Variants in CSNK1G1 observed in about 807,000 individuals in gnomAD.
The protein encoded by CSNK1G1 is casein kinase 1 gamma 1.
CSNK1G1 carries 22 observed loss-of-function variants against 59.6 expected under a neutral mutation model. The ratio of observed to expected loss-of-function variants is 0.37; its 90% CI spans 0.26 to 0.53. The LOEUF (loss-of-function observed/expected upper bound fraction) is 0.53. Among genes scored for constraint, CSNK1G1 ranks in the 20% least tolerant of loss-of-function variants. CSNK1G1 has a pLI of 0.89. For missense variants in CSNK1G1, 384 were observed against 519.5 expected, an observed-to-expected ratio of 0.74 and a Z score of 2.54; for synonymous variants, 179 against 177.1, an observed-to-expected ratio of 1.01 and a Z score of -0.08.
intron 1 of CSNK1G1, among the ~76,000 whole-genome samples, chr15:64,303,827 G>C (rs1367719386): frequency 6.6e-6 from 1 of 151,130 alleles, no homozygotes; most frequent in Non-Finnish European, 1.5e-5. Context: ...GCTGAAGTTG[G>C]AGAATTGCTT....
chr15:64,286,710 G>A, intron 2 of CSNK1G1, among the ~76,000 whole-genome samples: 1 of 152,082 alleles, frequency 6.6e-6, no homozygotes, highest in South Asian at 2.1e-4. Flanking sequence ...TAAATGGCTA[G>A]GTAATTATGG....
At chr15:64,322,582 A>G (rs1896620980) in intron 1 of CSNK1G1, among the ~76,000 whole-genome samples, 1 of 152,060 alleles carries the variant, frequency 6.6e-6, no homozygotes, top group Non-Finnish European at 1.5e-5. Flanking sequence ...TGGGAGGCCA[A>G]GATGGGTTGA....
intron 10 of CSNK1G1, among the ~76,000 whole-genome samples, chr15:64,186,819 A>G (rs2081902436): frequency 6.6e-6 from 1 of 150,490 alleles, no homozygotes; most frequent in South Asian, 2.1e-4. Flanking sequence ...CCTAAGAGCA[A>G]TGATTTTTTT....
intron 4 of CSNK1G1, among the ~76,000 whole-genome samples, chr15:64,245,866 TATCAC>T (rs1349619694): frequency 3.3e-5 from 5 of 151,982 alleles, no homozygotes; most frequent in Admixed American, 2.0e-4. Flanking sequence ...GAAAGACAAA[TATCAC>T]ATGTTCTCGC....
At chr15:64,253,341 T>C (rs903345522) in intron 3 of CSNK1G1, among the ~76,000 whole-genome samples, 20 of 152,106 alleles carry the variant, frequency 1.3e-4, no homozygotes, top group Non-Finnish European at 2.5e-4. Flanking sequence ...TGAGACCTTG[T>C]CTCAATCAAT....
intron 2 of CSNK1G1, among the ~76,000 whole-genome samples, chr15:64,283,108 A>G (rs1894230885): frequency 6.6e-6 from 1 of 152,174 alleles, no homozygotes; most frequent in Non-Finnish European, 1.5e-5. Context: ...ATCACCATTA[A>G]AGAACTTACT....
chr15:64,277,673 AATAAT>A (rs2140359557), intron 2 of CSNK1G1, among the ~76,000 whole-genome samples: 1 of 135,126 alleles, frequency 7.4e-6, no homozygotes, highest in African/African-American at 2.8e-5. Flanking sequence ...TGATATATTT[AATAAT>A]ATAGCAATAT....
At position 64,188,319 on chromosome 15, in the gene CSNK1G1, A is replaced by G. The variant is rs2081924902; in HGVS notation, c.1108-7865T>C. ...CTGCCGAAGGTTCAGAAGCAAGCCA[A>G]CATTCCACCAGCCAAGCTGGAAAGG... On this transcript the variant is annotated intron_variant, in intron 10 of 11. Coordinates refer to ENST00000303052, the MANE Select transcript of CSNK1G1 (RefSeq NM_022048.5). The surrounding 1 kb of genome is among the most constrained non-coding windows in gnomAD (Gnocchi z 4.2). 7.4e-7 allele frequency: 1 copy of G among 1,351,694 alleles called. No homozygotes were observed. The highest frequency in any genetic ancestry group is 1.0e-6 in the Non-Finnish European group (1 of 986,844). The allele number at this position is 1,351,694 out of a possible 1,614,324, so 83.7% of individuals were successfully genotyped here.
At chr15:64,320,752 C>G (rs1035447777) in intron 1 of CSNK1G1, among the ~76,000 whole-genome samples, 2 of 150,714 alleles carry the variant, frequency 1.3e-5, no homozygotes, top group African/African-American at 2.4e-5. Flanking sequence ...TCTGAGTTTT[C>G]AGAAGTTGCT....
intron 11 of CSNK1G1, among the ~76,000 whole-genome samples, chr15:64,174,553 C>A (rs1442476459): frequency 6.6e-6 from 1 of 152,210 alleles, no homozygotes; most frequent in Non-Finnish European, 1.5e-5. Context: ...AGAATGAAGG[C>A]AGGTGGTGGA....
intron 2 of CSNK1G1, among the ~76,000 whole-genome samples, chr15:64,268,372 T>C (rs1310943789): frequency 6.6e-6 from 1 of 152,098 alleles, no homozygotes; most frequent in Non-Finnish European, 1.5e-5. Flanking sequence ...AAAGTTACAG[T>C]GAGATTTTAA....
chr15:64,323,137 G>A (rs1896653809), intron 1 of CSNK1G1, among the ~76,000 whole-genome samples: 1 of 151,964 alleles, frequency 6.6e-6, no homozygotes. Flanking sequence ...ATGTTGCCCA[G>A]GCTGGTCTTG....
chr15:64,235,980 A>G (rs2082608787), intron 4 of CSNK1G1, among the ~76,000 whole-genome samples: 1 of 33,460 alleles, frequency 3.0e-5, no homozygotes, highest in African/African-American at 1.3e-4. Context: ...GGAAATATGT[A>G]ACGTCAACAA....
intron 1 of CSNK1G1, among the ~76,000 whole-genome samples, chr15:64,348,078 C>G (rs1566956766): frequency 6.6e-6 from 1 of 151,320 alleles, no homozygotes; most frequent in South Asian, 2.1e-4. Flanking sequence ...TTAAAAAGCT[C>G]TATGTTATAT....
At chr15:64,267,282 A>G (rs1893041630) in intron 2 of CSNK1G1, among the ~76,000 whole-genome samples, 1 of 151,398 alleles carries the variant, frequency 6.6e-6, no homozygotes, top group Non-Finnish European at 1.5e-5. Flanking sequence ...AAAAGAAAAG[A>G]AAAGAAAAAG....
intron 3 of CSNK1G1, among the ~76,000 whole-genome samples, chr15:64,255,152 C>T (rs967613606): frequency 6.6e-6 from 1 of 152,170 alleles, no homozygotes; most frequent in African/African-American, 2.4e-5. Context: ...TCTCAGCTCA[C>T]TGCAACCTCC....
intron 1 of CSNK1G1, among the ~76,000 whole-genome samples, chr15:64,322,497 C>A (rs1402859899): frequency 6.6e-6 from 1 of 151,948 alleles, no homozygotes; most frequent in South Asian, 2.1e-4. Context: ...GCCGCCATGT[C>A]TGGCCCAAAG....
At position 64,200,864 on chromosome 15, in the gene CSNK1G1, C is replaced by T. The variant is rs1395560087; in HGVS notation, c.1107+2218G>A. Among the ~76,000 whole-genome samples the T allele has an allele frequency of 2.0e-5, 3 of 152,174 alleles. No homozygotes were observed. Among genetic ancestry groups the T allele is most frequent in the Non-Finnish European group, 4.4e-5 (3 of 68,040 alleles). On this transcript the variant is annotated intron_variant, in intron 10 of 11. Coordinates refer to ENST00000303052, the MANE Select transcript of CSNK1G1 (RefSeq NM_022048.5). The surrounding 1 kb of genome is among the most constrained non-coding windows in gnomAD (Gnocchi z 4.3). Reference sequence around the variant, plus strand: ...GTGGATAGGCAGATCATTTCTATATCTCTGCTACCAATGACAATGCAACAG... The same window carrying T: ...GTGGATAGGCAGATCATTTCTATATTTCTGCTACCAATGACAATGCAACAG...
chr15:64,218,038 G>A (rs933993273), intron 4 of CSNK1G1, among the ~76,000 whole-genome samples: 3 of 151,370 alleles, frequency 2.0e-5, no homozygotes, highest in African/African-American at 7.3e-5. Context: ...TCTGCCTCCC[G>A]GACTAACGCG....
Sources: allele counts gnomAD v4.1 joint callset (sites outside exome capture counted in the v4.1 genomes callset), GRCh38; gene constraint gnomAD v4.1.1; non-coding constraint Gnocchi (gnomAD v3.1); transcripts MANE v1.5; gene names NCBI Gene and HGNC (gene_info 2026-07-23, HGNC 2026-07-21).